U2AF2: variants seen among roughly 807,000 people sequenced by gnomAD.
The protein encoded by U2AF2 is U2 small nuclear RNA auxiliary factor 2.
Under a neutral mutation model 52.6 loss-of-function variants are expected in U2AF2, and 6 were observed. The ratio of observed to expected loss-of-function variants is 0.11; its 90% CI spans 0.06 to 0.23. The LOEUF (loss-of-function observed/expected upper bound fraction) is 0.23. U2AF2 is among the 10% of genes least tolerant of loss of function. U2AF2 has a pLI of 1.00. For synonymous variants in U2AF2, 284 were observed against 258.2 expected, an observed-to-expected ratio of 1.10 and a Z score of -0.96; for missense variants, 222 against 677.1, an observed-to-expected ratio of 0.33 and a Z score of 7.46.
At chr19:55,657,713 C>T (rs752700009) in intron 1 of U2AF2, among the ~76,000 whole-genome samples, 2 of 152,182 alleles carry the variant, frequency 1.3e-5, no homozygotes, top group African/African-American at 4.8e-5. Flanking sequence ...ATTATATTGT[C>T]ATTAATGGTT....
intron 7 of U2AF2, 41 bp downstream of exon 7, chr19:55,663,785 C>T: frequency 6.2e-7 from 1 of 1,610,848 alleles, no homozygotes; most frequent in Non-Finnish European, 8.5e-7. Flanking sequence ...CTCCCCCAGT[C>T]CTGTTCCCAT....
At chr19:55,669,326 G>A (rs1005412791) in intron 10 of U2AF2, 118 bp from the exon 11 acceptor site, 13 of 1,543,852 alleles carry the variant, frequency 8.4e-6, no homozygotes, top group Non-Finnish European at 1.1e-5. Flanking sequence ...CGGGCTTTAG[G>A]TGTTGGAAGT....
chr19:55,671,018 G>C (rs1009282813), intron 11 of U2AF2, among the ~76,000 whole-genome samples: 4 of 152,178 alleles, frequency 2.6e-5, no homozygotes, highest in Non-Finnish European at 4.4e-5. Flanking sequence ...GGCTCTGCAG[G>C]GCCAGATCGG....
chr19:55,672,682 G>A (rs1484408151), intron 11 of U2AF2, among the ~76,000 whole-genome samples: 2 of 150,696 alleles, frequency 1.3e-5, no homozygotes, highest in African/African-American at 2.4e-5. Flanking sequence ...TTAGATTAGC[G>A]AAATTCCTTA....
rs1984742538 is a variant in U2AF2 at position 55,669,436 on chromosome 19, C to T, written c.1045-8C>T. 2 of 1,590,804 alleles carry T rather than the reference C, an allele frequency of 1.3e-6. No homozygotes were observed. Among genetic ancestry groups the T allele is most frequent in the African/African-American group, 1.3e-5 (1 of 74,464 alleles). On this transcript the variant is annotated splice_region_variant and splice_polypyrimidine_tract_variant and intron_variant, in intron 10 of 11. Transcript: ENST00000308924. The stretch of plus-strand genomic sequence containing the variant: ...CCTGTGACGCCGCTGCCTCCCCTGG[C>T]CCCACAGAGCACCATCAATCAGACG...
chr19:55,663,425 G>A (rs1412669006), intron 6 of U2AF2, among the ~76,000 whole-genome samples, 181 bp from the exon 7 acceptor site: 2 of 152,180 alleles, frequency 1.3e-5, no homozygotes, highest in African/African-American at 4.8e-5. Flanking sequence ...TAATGGTCGA[G>A]TGTGAGCTCC....
At chr19:55,664,645 G>A (rs987513514) in intron 7 of U2AF2, among the ~76,000 whole-genome samples, 2 of 152,308 alleles carry the variant, frequency 1.3e-5, no homozygotes, top group South Asian at 2.1e-4. Flanking sequence ...GCGATGTGGA[G>A]CCCCAGACGG....
In U2AF2 at chr19:55,663,775, C is replaced by T. The variant is rs1329668254; in HGVS notation, c.742+31C>T. ...TGGGGGATCCATTAAGGGCCCCTTTCTCCCCCAGTCCTGTTCCCATGGCCT... is the reference window on the plus strand; with the variant it reads ...TGGGGGATCCATTAAGGGCCCCTTTTTCCCCCAGTCCTGTTCCCATGGCCT... On this transcript the variant is annotated intron_variant, in intron 7 of 11. Coordinates refer to ENST00000308924, the MANE Select transcript of U2AF2 (RefSeq NM_007279.3). 7 of 1,612,932 alleles carry T rather than the reference C, an allele frequency of 4.3e-6. No homozygotes were observed. The East Asian group carries it at 6.7e-5, about 15-fold the overall frequency.
intron 7 of U2AF2, among the ~76,000 whole-genome samples, chr19:55,667,935 G>C (rs947257351): frequency 2.0e-5 from 3 of 152,120 alleles, no homozygotes; most frequent in African/African-American, 7.2e-5. Context: ...ACAGGTGCAC[G>C]CTACCACAGC....
rs1311862062 is a variant in U2AF2 at position 55,655,161 on chromosome 19, C to T, written c.49+8C>T. ...TCAACGAGAATAAACAAGGTGAGGGCACCGGGGTCGCGGGGCGGAGGTGTG... is the reference window on the plus strand; with the variant it reads ...TCAACGAGAATAAACAAGGTGAGGGTACCGGGGTCGCGGGGCGGAGGTGTG... On this transcript the variant is annotated splice_region_variant and intron_variant, in intron 1 of 11. Coordinates refer to ENST00000308924, the MANE Select transcript of U2AF2 (RefSeq NM_007279.3). 4.4e-6 allele frequency: 7 copies of T among 1,602,314 alleles called. No homozygotes were observed. The African/African-American group carries it at 8.3e-5, about 19-fold the overall frequency.
At chr19:55,669,776 A>C in intron 11 of U2AF2, 84 bp downstream of exon 11, 6 of 1,454,216 alleles carry the variant, frequency 4.1e-6, no homozygotes, top group Non-Finnish European at 5.5e-6. Context: ...TTGCTCCCTC[A>C]CCCTCTCCCC....
At chr19:55,667,920 G>A (rs914321167) in intron 7 of U2AF2, among the ~76,000 whole-genome samples, 2 of 152,052 alleles carry the variant, frequency 1.3e-5, no homozygotes, top group African/African-American at 4.8e-5. Flanking sequence ...TGAGTAGCTG[G>A]GACTACAGGT....
At chr19:55,667,828 C>A (rs1984641302) in intron 7 of U2AF2, among the ~76,000 whole-genome samples, 1 of 150,978 alleles carries the variant, frequency 6.6e-6, no homozygotes, top group African/African-American at 2.4e-5. Flanking sequence ...CTCTGTTGCT[C>A]AGGCTGGAGT....
chr19:55,670,167 T>C (rs1264947095), intron 11 of U2AF2, among the ~76,000 whole-genome samples: 1 of 151,802 alleles, frequency 6.6e-6, no homozygotes, highest in Non-Finnish European at 1.5e-5. Context: ...CTGAGCCCCA[T>C]CGTGGAAGGA....
chr19:55,662,284 C>G (rs1033856414), intron 5 of U2AF2: 31 of 465,760 alleles, frequency 6.7e-5, no homozygotes, highest in Non-Finnish European at 9.6e-5. Context: ...TTGGCCGTCT[C>G]TTGCTACTGC....
chr19:55,660,952 A>G lies in U2AF2; in HGVS notation c.335-86A>G, dbSNP rs1287698346. 3.3e-6 allele frequency: 5 copies of G among 1,492,630 alleles called. No homozygotes were observed. In the Admixed American group the frequency reaches 1.1e-4, roughly 34 times the overall value. 92.5% of individuals were successfully genotyped at this position (1,492,630 alleles called of 1,614,324 possible). A position where few individuals can be genotyped will look rare whatever the true frequency, so the allele number is the denominator to read the frequency against. Reference sequence around the variant, plus strand: ...GAGAGCCTGTAGGAGCTTTCTGCTGAGGAGGGGAACTCCCAGTGTGTGGTG... The same window carrying G: ...GAGAGCCTGTAGGAGCTTTCTGCTGGGGAGGGGAACTCCCAGTGTGTGGTG... On this transcript the variant is annotated intron_variant, in intron 4 of 11. Coordinates refer to ENST00000308924, the MANE Select transcript of U2AF2 (RefSeq NM_007279.3).
chr19:55,670,607 G>T, intron 11 of U2AF2: 1 of 247,022 alleles, frequency 4.0e-6, no homozygotes, highest in Non-Finnish European at 8.0e-6. Flanking sequence ...CCGCATTCCT[G>T]GGTGTACTGT....
intron 4 of U2AF2, among the ~76,000 whole-genome samples, 194 bp from the exon 5 acceptor site, chr19:55,660,844 T>C (rs1165678468): frequency 6.6e-6 from 1 of 151,964 alleles, no homozygotes; most frequent in Non-Finnish European, 1.5e-5. Context: ...TGGACGCCAT[T>C]AGGAAGTGAG....
chr19:55,663,465 C>T, intron 6 of U2AF2, 141 bp from the exon 7 acceptor site: 1 of 1,307,444 alleles, frequency 7.6e-7, no homozygotes, highest in Non-Finnish European at 1.0e-6. Flanking sequence ...GTCTGTTGTA[C>T]TCCCAGTGCC....
Sources: allele counts gnomAD v4.1 joint callset (sites outside exome capture counted in the v4.1 genomes callset), GRCh38; gene constraint gnomAD v4.1.1; transcripts MANE v1.5; gene names NCBI Gene and HGNC (gene_info 2026-07-23, HGNC 2026-07-21).